The following ANGPT1 variants were observed in gnomAD, a reference collection of about 807,000 sequenced individuals.
The protein encoded by ANGPT1 is angiopoietin 1.
A neutral mutation model predicts 62.2 loss-of-function variants in ANGPT1; 17 were observed. That is an observed-to-expected ratio of 0.27 (90% CI 0.19 to 0.41). The LOEUF (loss-of-function observed/expected upper bound fraction) is 0.41, where lower values mean the gene tolerates loss of function less well. Among genes scored for constraint, ANGPT1 ranks in the 10% least tolerant of loss-of-function variants. ANGPT1 has a pLI of 1.00. For synonymous variants in ANGPT1, 199 were observed against 198.9 expected (o/e 1.00, Z 0.00); for missense variants, 478 against 594.9 (o/e 0.80, Z 2.04).
At chr8:107,275,175 T>C (rs565161795) in intron 7 of ANGPT1, among the ~76,000 whole-genome samples, 3 of 152,194 alleles carry the variant, frequency 2.0e-5, no homozygotes, top group African/African-American at 7.2e-5. Flanking sequence ...ATCAAAATAT[T>C]GAGTGTGAAA....
chr8:107,477,607 T>C (rs1237566409), intron 1 of ANGPT1, among the ~76,000 whole-genome samples: 1 of 152,186 alleles, frequency 6.6e-6, no homozygotes, highest in Non-Finnish European at 1.5e-5. Context: ...ATACTTATCA[T>C]CTCACATAAT....
intron 7 of ANGPT1, among the ~76,000 whole-genome samples, chr8:107,266,182 C>T (rs1018462820): frequency 1.3e-5 from 2 of 152,176 alleles, no homozygotes; most frequent in Non-Finnish European, 2.9e-5. Flanking sequence ...AGCCAGCCCA[C>T]GTGGAGGTGG....
chr8:107,388,436 TAA>T (rs1172367194), intron 1 of ANGPT1, among the ~76,000 whole-genome samples: 2 of 45,106 alleles, frequency 4.4e-5, no homozygotes, highest in Non-Finnish European at 8.7e-5. Context: ...TTAATAAAAA[TAA>T]ATAAATAAAT....
intron 1 of ANGPT1, among the ~76,000 whole-genome samples, chr8:107,389,283 G>T (rs117823237): frequency 5.9e-5 from 9 of 152,138 alleles, no homozygotes; most frequent in Non-Finnish European, 1.3e-4. Flanking sequence ...ATCATGGCAA[G>T]GACTACGTGC....
chr8:107,264,777 C>T (rs1813575458), intron 7 of ANGPT1, among the ~76,000 whole-genome samples: 1 of 152,150 alleles, frequency 6.6e-6, no homozygotes, highest in African/African-American at 2.4e-5. Flanking sequence ...CTGTGCCAGG[C>T]ACTATGTTAA....
At chr8:107,310,697 G>C (rs528231688) in intron 4 of ANGPT1, among the ~76,000 whole-genome samples, 2 of 152,264 alleles carry the variant, frequency 1.3e-5, no homozygotes, top group South Asian at 4.1e-4. Flanking sequence ...ACAATGTCAA[G>C]AGCTAACAGA....
intron 1 of ANGPT1, among the ~76,000 whole-genome samples, chr8:107,413,178 C>T (rs1239565060): frequency 6.6e-6 from 1 of 152,080 alleles, no homozygotes; most frequent in African/African-American, 2.4e-5. Context: ...AGTAATTTAG[C>T]CTATGATCAC....
chr8:107,414,458 CTTA>C (rs1167643611), intron 1 of ANGPT1, among the ~76,000 whole-genome samples: 3 of 152,242 alleles, frequency 2.0e-5, no homozygotes, highest in Non-Finnish European at 4.4e-5. Context: ...AATATATACA[CTTA>C]TTATTTTTCA....
At chr8:107,275,388 A>C (rs1412591769) in intron 7 of ANGPT1, among the ~76,000 whole-genome samples, 2 of 152,016 alleles carry the variant, frequency 1.3e-5, no homozygotes, top group East Asian at 3.9e-4. Flanking sequence ...CTCACTTCTG[A>C]GCTAATCCCT....
In ANGPT1 at chr8:107,284,765, T is replaced by C; in HGVS notation, c.1122A>G (p.Arg374=). ...AITSQRQYML[R]IELMDWEGNR... ...TCCCTTCCCAGTCCATTAACTCAAT[T>C]CTTAGCATGTACTGCCTCTGACTGG... The change falls in exon 7 of 9, where the codon AGA becomes AGG. Residue 374 remains arginine, a synonymous_variant. Transcript: ENST00000517746. The C allele has an allele frequency of 1.2e-6, 2 of 1,612,296 alleles. No homozygotes were observed. The highest frequency in any genetic ancestry group is 1.7e-6 in the Non-Finnish European group (2 of 1,178,850).
intron 1 of ANGPT1, among the ~76,000 whole-genome samples, chr8:107,425,461 A>G (rs1233770256): frequency 1.3e-5 from 2 of 152,214 alleles, no homozygotes; most frequent in Admixed American, 1.3e-4. Context: ...CCCCACATGT[A>G]TGAAAACAAA....
intron 1 of ANGPT1, among the ~76,000 whole-genome samples, chr8:107,381,501 T>G (rs1441181202): frequency 6.6e-6 from 1 of 152,156 alleles, no homozygotes; most frequent in Non-Finnish European, 1.5e-5. Flanking sequence ...GGTGCCCTCG[T>G]GGAGGCACCA....
At chr8:107,268,406 TTG>T (rs10655133) in intron 7 of ANGPT1, among the ~76,000 whole-genome samples, 4,065 of 144,162 alleles carry the variant, frequency 0.028, 75 homozygotes, top group African/African-American at 0.056. Context: ...ACATGTAGGG[TTG>T]TGTGTGTGTG....
intron 5 of ANGPT1, among the ~76,000 whole-genome samples, chr8:107,298,503 CAT>C (rs147215079): frequency 0.014 from 2,137 of 151,892 alleles, 56 homozygotes; most frequent in African/African-American, 0.049. Context: ...CCATTAATAA[CAT>C]AAAAGCAAAA....
At chr8:107,492,861 T>A in intron 1 of ANGPT1, among the ~76,000 whole-genome samples, 1 of 150,602 alleles carries the variant, frequency 6.6e-6, no homozygotes, top group South Asian at 2.2e-4. Flanking sequence ...TAAGTTCTCA[T>A]GTGCATATAG....
rs765718937 is a variant in ANGPT1 at position 107,264,365 on chromosome 8, G to GA, written c.1206-15dup. 808 of 1,601,756 alleles carry GA rather than the reference G, an allele frequency of 5.0e-4. 1 individual carries two copies. The highest frequency in any genetic ancestry group is 6.6e-4 in the Non-Finnish European group (772 of 1,176,142). ...TTTAAATACAACCTGAAGTCAAAAA[G>GA]AAAAAAAAGAAAGATAAGCCATTCG... On this transcript the variant is annotated splice_polypyrimidine_tract_variant and intron_variant, in intron 7 of 8. Transcript: ENST00000517746.
At chr8:107,462,305 T>C (rs1203137125) in intron 1 of ANGPT1, among the ~76,000 whole-genome samples, 1 of 151,922 alleles carries the variant, frequency 6.6e-6, no homozygotes, top group African/African-American at 2.4e-5. Context: ...CTGCCATCTC[T>C]TAAGCAGTAC....
rs1815822160 is a variant in ANGPT1, at chr8:107,347,077, T to C, written c.318A>G (p.Glu106=). Residue 106 remains glutamate (E), a synonymous_variant, in exon 2 of 9, where the codon GAA becomes GAG. Coordinates refer to ENST00000517746, the MANE Select transcript of ANGPT1 (RefSeq NM_001146.5). ...WLQKLENYIV[E]NMKSEMAQIQ... ...TCTGGGCCATCTCCGACTTCATGTTTTCCACAATGTAATTCTCAAGCTGCA... is the reference window on the plus strand; with the variant it reads ...TCTGGGCCATCTCCGACTTCATGTTCTCCACAATGTAATTCTCAAGCTGCA... The C allele has an allele frequency of 1.2e-6, 2 of 1,613,434 alleles. No homozygotes were observed. The highest frequency in any genetic ancestry group is 2.2e-5 in the East Asian group (1 of 44,858).
chr8:107,346,363 A>C (rs1815803555), intron 2 of ANGPT1, among the ~76,000 whole-genome samples: 1 of 152,176 alleles, frequency 6.6e-6, no homozygotes, highest in South Asian at 2.1e-4. Context: ...GATATTTGCT[A>C]TTTGCCAGTA....
Sources: gnomAD v4.1 joint callset for allele counts (sites outside exome capture counted in the v4.1 genomes callset) on GRCh38, gnomAD v4.1.1 for gene constraint, MANE v1.5 for transcripts, NCBI Gene and HGNC (gene_info 2026-07-23, HGNC 2026-07-21) for gene names.